The following IQCM variants were observed in gnomAD, a reference collection of about 807,000 sequenced individuals.
IQCM encodes IQ domain-containing protein M.
IQCM carries 45 observed loss-of-function variants against 57.6 expected under a neutral mutation model. That is an observed-to-expected ratio of 0.78 (90% confidence interval 0.62 to 1.00). IQCM has a LOEUF of 1.00. Ranked by LOEUF, IQCM falls within the 50% of genes least tolerant of loss-of-function variation. IQCM has a pLI of 0.00. For missense variants in IQCM, 468 were observed against 511.6 expected (o/e 0.91, Z 0.82); for synonymous variants, 148 against 158.9 (o/e 0.93, Z 0.51).
chr4:149,498,957 G>C (rs532466498), intron 12 of IQCM, among the ~76,000 whole-genome samples: 88 of 152,240 alleles, frequency 5.8e-4, no homozygotes, highest in Non-Finnish European at 9.3e-4. Context: ...AGACAGAGAG[G>C]GGGGATAGCT....
chr4:149,566,947 C>T (rs1038044185), intron 9 of IQCM, among the ~76,000 whole-genome samples: 3 of 152,076 alleles, frequency 2.0e-5, no homozygotes, highest in African/African-American at 7.2e-5. Context: ...CAGAGAAATG[C>T]TTGTGAATCC....
At chr4:149,563,383 C>G (rs1362678348) in intron 10 of IQCM, among the ~76,000 whole-genome samples, 1 of 152,150 alleles carries the variant, frequency 6.6e-6, no homozygotes, top group Non-Finnish European at 1.5e-5. Context: ...AGCCTAAAAA[C>G]TGTCATCATA....
intron 13 of IQCM, among the ~76,000 whole-genome samples, chr4:149,399,832 C>T (rs1379020137): frequency 6.6e-6 from 1 of 152,064 alleles, no homozygotes; most frequent in Non-Finnish European, 1.5e-5. Context: ...AAGTGCTTAG[C>T]ACAGTGCCTA....
intron 7 of IQCM, among the ~76,000 whole-genome samples, chr4:149,678,248 G>T (rs1370416802): frequency 6.6e-6 from 1 of 151,596 alleles, no homozygotes. Flanking sequence ...ACCCTCAAAG[G>T]TCAAGGATAA....
chr4:149,544,899 A>G (rs1748230383), intron 12 of IQCM, among the ~76,000 whole-genome samples: 1 of 152,250 alleles, frequency 6.6e-6, no homozygotes, highest in Admixed American at 6.5e-5. Context: ...TTAACTTGAC[A>G]TGGATTAAAG....
chr4:149,354,373 A>AC (rs1728795732), intron 13 of IQCM, among the ~76,000 whole-genome samples: 2 of 137,656 alleles, frequency 1.5e-5, no homozygotes, highest in Non-Finnish European at 3.1e-5. Flanking sequence ...CAAAAAAAAA[A>AC]AAAAAAAAAA....
intron 8 of IQCM, among the ~76,000 whole-genome samples, chr4:149,618,302 C>T (rs13434847): frequency 0.2 from 30,184 of 151,996 alleles, 3,456 homozygotes; most frequent in South Asian, 0.33. Context: ...AAGCCATATG[C>T]AGAAGAATAA....
intron 12 of IQCM, among the ~76,000 whole-genome samples, chr4:149,481,024 T>C (rs1027134043): frequency 6.6e-6 from 1 of 152,190 alleles, no homozygotes; most frequent in Non-Finnish European, 1.5e-5. Context: ...TGAGCACCTT[T>C]TCCTATGCCT....
chr4:149,468,940 C>T (rs879710833), intron 12 of IQCM, among the ~76,000 whole-genome samples: 1 of 152,168 alleles, frequency 6.6e-6, no homozygotes, highest in East Asian at 1.9e-4. Flanking sequence ...AACTAACAAA[C>T]AGAAAGGACA....
chr4:149,708,524 T>G (rs534375082), intron 5 of IQCM, among the ~76,000 whole-genome samples: 27 of 152,060 alleles, frequency 1.8e-4, no homozygotes, highest in African/African-American at 6.3e-4. Flanking sequence ...TTATAAACCA[T>G]TATATGTGAT....
intron 7 of IQCM, among the ~76,000 whole-genome samples, chr4:149,661,234 T>C (rs1437559746): frequency 1.3e-5 from 2 of 152,134 alleles, no homozygotes; most frequent in Admixed American, 1.3e-4. Flanking sequence ...TTTGTTTTCC[T>C]TTCTGTTAAT....
At chr4:149,775,446 A>G (rs1035110412) in intron 2 of IQCM, among the ~76,000 whole-genome samples, 48 of 152,236 alleles carry the variant, frequency 3.2e-4, no homozygotes, top group African/African-American at 1.2e-3. Flanking sequence ...AAATAAAAAC[A>G]GAGCTCTAAA....
At chr4:149,606,079 T>G (rs1414851195) in intron 8 of IQCM, among the ~76,000 whole-genome samples, 1 of 152,154 alleles carries the variant, frequency 6.6e-6, no homozygotes, top group Non-Finnish European at 1.5e-5. Flanking sequence ...GAGCCTTGAA[T>G]AAGCAAAAGA....
At chr4:149,415,877 G>A (rs1478515565) in intron 13 of IQCM, among the ~76,000 whole-genome samples, 1 of 152,044 alleles carries the variant, frequency 6.6e-6, no homozygotes, top group Non-Finnish European at 1.5e-5. Context: ...ACAGGAAGGG[G>A]AACATCACAC....
chr4:149,520,306 C>T (rs985162528), intron 12 of IQCM, among the ~76,000 whole-genome samples: 14 of 148,902 alleles, frequency 9.4e-5, no homozygotes, highest in African/African-American at 3.0e-4. Context: ...ATGGTAGATG[C>T]AGAGCTCAAA....
intron 5 of IQCM, among the ~76,000 whole-genome samples, chr4:149,688,424 C>A (rs918237032): frequency 6.6e-6 from 1 of 151,856 alleles, no homozygotes; most frequent in Non-Finnish European, 1.5e-5. Context: ...ACAAGGAAAA[C>A]TAAAAAACAC....
chr4:149,489,918 A>G (rs931603842), intron 12 of IQCM, among the ~76,000 whole-genome samples: 9 of 152,018 alleles, frequency 5.9e-5, no homozygotes, highest in African/African-American at 2.2e-4. Flanking sequence ...CAAGCTATAC[A>G]TAAAAATGAT....
intron 7 of IQCM, among the ~76,000 whole-genome samples, chr4:149,672,930 C>A (rs138312542): frequency 6.6e-6 from 1 of 152,102 alleles, no homozygotes; most frequent in Non-Finnish European, 1.5e-5. Context: ...GCAGATCTTT[C>A]GGCAGAAACT....
chr4:149,676,009 T>C (rs1761721145), intron 7 of IQCM, among the ~76,000 whole-genome samples: 1 of 152,012 alleles, frequency 6.6e-6, no homozygotes, highest in Admixed American at 6.6e-5. Flanking sequence ...CTTTTTTTCT[T>C]TTGAAAAAGT....
Sources: allele counts gnomAD v4.1 joint callset (sites outside exome capture counted in the v4.1 genomes callset), GRCh38; gene constraint gnomAD v4.1.1; transcripts MANE v1.5; gene names NCBI Gene and HGNC (gene_info 2026-07-23, HGNC 2026-07-21).